PCDHGA10: variants seen among roughly 807,000 people sequenced by gnomAD.
PCDHGA10 encodes protocadherin gamma subfamily A, 10.
A neutral mutation model predicts 59.5 loss-of-function variants in PCDHGA10; 42 were observed. The ratio of observed to expected loss-of-function variants is 0.71; its 90% confidence interval spans 0.55 to 0.91. The LOEUF is 0.91. PCDHGA10 is among the 40% of genes least tolerant of loss of function. The probability of loss-of-function intolerance (pLI) is 0.00; values close to 1 mark genes in which losing one functional copy is unlikely to be tolerated. For missense variants in PCDHGA10, 1,111 were observed against 1,198.2 expected (o/e 0.93, Z 1.07); for synonymous variants, 511 against 517.2 (o/e 0.99, Z 0.16).
At position 141,431,747 on chromosome 5, in the gene PCDHGA10, C is replaced by T. The variant is rs371020840; in HGVS notation, c.2436+16136C>T. The T allele has an allele frequency of 5.0e-6, 8 of 1,614,064 alleles. No individual in the cohort carries two copies. In the Admixed American group the frequency reaches 5.0e-5, roughly 10 times the overall value. On this transcript the variant is annotated intron_variant, in intron 1 of 3. Transcript: ENST00000398610. This position sits in a 1 kb window ranked among gnomAD's most constrained non-coding sequence, Gnocchi z 4.8. ...AATGGATAATGCAGGATATTCTGCG[C>T]GAGCCAAAGTCCTGATCACTGTTCT...
At chr5:141,442,848 T>C (rs1210778801) in intron 1 of PCDHGA10, among the ~76,000 whole-genome samples, 2 of 152,236 alleles carry the variant, frequency 1.3e-5, no homozygotes, top group Non-Finnish European at 2.9e-5. Context: ...ATCTTGGCCA[T>C]TGTAGTATGA....
At chr5:141,503,736 T>C (rs1381045077) in intron 2 of PCDHGA10, among the ~76,000 whole-genome samples, 4 of 152,202 alleles carry the variant, frequency 2.6e-5, no homozygotes, top group African/African-American at 9.6e-5. Context: ...TTTGTTGTGA[T>C]GGTATAGAGG....
intron 3 of PCDHGA10, chr5:141,507,000 TGA>T (rs1235660361): frequency 1.3e-5 from 2 of 152,218 alleles, no homozygotes; most frequent in African/African-American, 4.8e-5. Flanking sequence ...ACTCGACAGA[TGA>T]GAGAACCGAG....
chr5:141,448,135 TA>T (rs2098567569), intron 1 of PCDHGA10, among the ~76,000 whole-genome samples: 1 of 151,880 alleles, frequency 6.6e-6, no homozygotes, highest in South Asian at 2.1e-4. Flanking sequence ...CCACCCTCAC[TA>T]TACCTCAGAC....
At chr5:141,480,726 G>A (rs2099524533) in intron 1 of PCDHGA10, among the ~76,000 whole-genome samples, 1 of 152,138 alleles carries the variant, frequency 6.6e-6, no homozygotes, top group Non-Finnish European at 1.5e-5. Context: ...CACAGTCTCT[G>A]GGGGTGGGAC....
rs747179611 is a variant in PCDHGA10 at position 141,476,473 on chromosome 5, C to T, written c.2437-18334C>T. ...TAGTGGAGAACCCGCTGGAGCTGTT[C>T]AGCGTGGAAGTGGTGATCCAGGACA... On this transcript the variant is annotated intron_variant, in intron 1 of 3. Coordinates refer to ENST00000398610, the MANE Select transcript of PCDHGA10 (RefSeq NM_018913.3). The surrounding 1 kb of genome is among the most constrained non-coding windows in gnomAD (Gnocchi z 7.6). 3.1e-6 allele frequency: 5 copies of T among 1,613,888 alleles called. No homozygotes were observed. The highest frequency in any genetic ancestry group is 3.3e-5 in the Admixed American group (2 of 59,984).
chr5:141,510,209 G>T (rs1294961681), intron 3 of PCDHGA10, among the ~76,000 whole-genome samples: 12 of 151,440 alleles, frequency 7.9e-5, no homozygotes, highest in African/African-American at 2.9e-4. Flanking sequence ...GGAGGCAGAG[G>T]TTGCAGTGAG....
At chr5:141,460,546 C>A (rs182506898) in intron 1 of PCDHGA10, among the ~76,000 whole-genome samples, 51 of 152,152 alleles carry the variant, frequency 3.4e-4, no homozygotes, top group African/African-American at 1.1e-3. Context: ...GCACCTTAAT[C>A]AAAAATCATT....
chr5:141,429,858 A>T (rs1183727412), intron 1 of PCDHGA10, among the ~76,000 whole-genome samples: 1 of 152,192 alleles, frequency 6.6e-6, no homozygotes, highest in East Asian at 1.9e-4. Context: ...CATTCTTTGG[A>T]CTACCAATTT....
intron 2 of PCDHGA10, 106 bp downstream of exon 2, chr5:141,494,971 C>T (rs1244836841): frequency 1.3e-6 from 2 of 1,583,382 alleles, no homozygotes; most frequent in African/African-American, 1.3e-5. Context: ...ATGGCTTCTC[C>T]CTCAGTTTGA....
intron 1 of PCDHGA10, among the ~76,000 whole-genome samples, chr5:141,469,923 G>A (rs1251812588): frequency 1.3e-5 from 2 of 152,200 alleles, no homozygotes; most frequent in Non-Finnish European, 2.9e-5. Flanking sequence ...CCGAGGTCAG[G>A]AGTTTGAGAC....
At chr5:141,442,895 A>G (rs1381559903) in intron 1 of PCDHGA10, among the ~76,000 whole-genome samples, 5 of 152,182 alleles carry the variant, frequency 3.3e-5, no homozygotes, top group African/African-American at 1.2e-4. Context: ...CCTGCTTATC[A>G]CTTCTCCTTC....
Position 141,490,157 on chromosome 5 carries a change from G to T in PCDHGA10, c.2437-4650G>T. 1 of 1,614,210 alleles carries T rather than the reference G, an allele frequency of 6.2e-7. No homozygotes were observed. The highest frequency in any genetic ancestry group is 8.5e-7 in the Non-Finnish European group (1 of 1,180,038). On this transcript the variant is annotated intron_variant, in intron 1 of 3. Transcript: ENST00000398610. This position sits in a 1 kb window ranked among gnomAD's most constrained non-coding sequence, Gnocchi z 5.4. ...AGCAGTGGGGCAATCCATGTGTTGGGTCCCATAGACTTTGAGGAGTCACGT... is the reference window on the plus strand; with the variant it reads ...AGCAGTGGGGCAATCCATGTGTTGGTTCCCATAGACTTTGAGGAGTCACGT...
chr5:141,415,228 C>A lies in PCDHGA10; in HGVS notation c.2053C>A (p.Pro685Thr). The A allele has an allele frequency of 1.2e-6, 2 of 1,614,168 alleles. No individual in the cohort carries two copies. Among genetic ancestry groups the A allele is most frequent in the South Asian group, 2.2e-5 (2 of 91,086 alleles). ...VLADLGSFES[P>T]ANSETSDLTL... ...GGCGGACCTCGGCAGCTTCGAGTCT[C>A]CAGCTAACTCTGAAACCTCAGACCT... Residue 685 changes from proline (P) to threonine (T), a missense_variant, in exon 1 of 4, where the codon CCA becomes ACA. Coordinates refer to ENST00000398610, the MANE Select transcript of PCDHGA10 (RefSeq NM_018913.3).
At chr5:141,505,282 G>C (rs73280377) in intron 2 of PCDHGA10, 111 bp from the exon 3 acceptor site, 37,017 of 1,544,812 alleles carry the variant, frequency 0.024, 1,115 homozygotes, top group African/African-American at 0.15. Context: ...AACAGGTCTT[G>C]GGCATGGGGT....
chr5:141,433,056 G>C, intron 1 of PCDHGA10: 10 of 1,614,204 alleles, frequency 6.2e-6, no homozygotes, highest in Non-Finnish European at 8.5e-6. Context: ...TCGCGGAAGA[G>C]TCACCTGATC....
At chr5:141,441,279 C>T (rs3792898) in intron 1 of PCDHGA10, 17,193 of 152,116 alleles carry the variant, frequency 0.11, 1,155 homozygotes, top group African/African-American at 0.18. Context: ...CGGGAGAAAA[C>T]GAGGTCACAT....
chr5:141,418,941 C>G, intron 1 of PCDHGA10: 1 of 1,614,034 alleles, frequency 6.2e-7, no homozygotes, highest in East Asian at 2.2e-5. Flanking sequence ...GAGGATTCCC[C>G]TCCAGGAGTG....
At chr5:141,497,691 C>T (rs2099778682) in intron 2 of PCDHGA10, among the ~76,000 whole-genome samples, 1 of 152,066 alleles carries the variant, frequency 6.6e-6, no homozygotes, top group African/African-American at 2.4e-5. Flanking sequence ...AGGTGTGCAC[C>T]ACCACACCCA....
Sources: allele counts gnomAD v4.1 joint callset (sites outside exome capture counted in the v4.1 genomes callset), GRCh38; gene constraint gnomAD v4.1.1; non-coding constraint Gnocchi (gnomAD v3.1); transcripts MANE v1.5; gene names NCBI Gene and HGNC (gene_info 2026-07-23, HGNC 2026-07-21).